The following FGGY variants were observed in gnomAD, a reference collection of about 807,000 sequenced individuals.
The protein encoded by FGGY is FGGY carbohydrate kinase domain-containing protein.
Under a neutral mutation model 71.3 loss-of-function variants are expected in FGGY, and 72 were observed. The ratio of observed to expected loss-of-function variants is 1.01; its 90% confidence interval spans 0.84 to 1.23. FGGY has a LOEUF of 1.23. Among genes scored for constraint, FGGY ranks in the 50% most tolerant of loss-of-function variants. FGGY has a pLI of 0.00. For missense variants in FGGY, 668 were observed against 682.3 expected (o/e 0.98, Z 0.23); for synonymous variants, 251 against 250.3 (o/e 1.00, Z -0.02).
rs1220764955 is a variant in FGGY at position 59,433,518 on chromosome 1, G to T, written c.555-23443G>T. ...CCAGGCCTTCACGGGGAATACCAGA[G>T]AGGGTCCCTCTGGAGCAGCTCTTAC... is the stretch of plus-strand genomic sequence containing the variant. On this transcript the variant is annotated intron_variant, in intron 5 of 15. Coordinates refer to ENST00000303721, the MANE Select transcript of FGGY (RefSeq NM_018291.5). 2.0e-5 allele frequency among the ~76,000 whole-genome samples: 3 copies of T among 152,170 alleles called. No homozygotes were observed. In the East Asian group the frequency reaches 5.8e-4, roughly 29 times the overall value.
chr1:59,751,371 C>T (rs2098243985), intron 14 of FGGY, among the ~76,000 whole-genome samples: 1 of 152,100 alleles, frequency 6.6e-6, no homozygotes, highest in South Asian at 2.1e-4. Flanking sequence ...GTTTTTTAAC[C>T]ATATACCCCC....
At chr1:59,352,480 G>T (rs2053495071) in intron 4 of FGGY, among the ~76,000 whole-genome samples, 1 of 152,180 alleles carries the variant, frequency 6.6e-6, no homozygotes, top group African/African-American at 2.4e-5. Flanking sequence ...TTTGTTGATG[G>T]ATTCAGGAAA....
At chr1:59,595,505 AT>A (rs2096511210) in intron 8 of FGGY, among the ~76,000 whole-genome samples, 1 of 152,274 alleles carries the variant, frequency 6.6e-6, no homozygotes, top group Admixed American at 6.5e-5. Context: ...CCTAGCCAAT[AT>A]GGCGAAACCC....
At chr1:59,386,146 T>C (rs2060043890) in intron 5 of FGGY, among the ~76,000 whole-genome samples, 1 of 152,212 alleles carries the variant, frequency 6.6e-6, no homozygotes, top group African/African-American at 2.4e-5. Context: ...GGACTGATAT[T>C]GATATATTAT....
intron 8 of FGGY, among the ~76,000 whole-genome samples, chr1:59,587,580 G>T (rs186004390): frequency 6.6e-6 from 1 of 152,104 alleles, no homozygotes; most frequent in Admixed American, 6.6e-5. Flanking sequence ...ACACGGCCGG[G>T]TACTCCTCTG....
chr1:59,440,755 G>A (rs1182255883), intron 5 of FGGY, among the ~76,000 whole-genome samples: 2 of 150,200 alleles, frequency 1.3e-5, no homozygotes, highest in Non-Finnish European at 3.0e-5. Context: ...ACAGTGGAGG[G>A]GCGAATAACA....
At chr1:59,315,265 T>C (rs916605560) in intron 1 of FGGY, among the ~76,000 whole-genome samples, 2 of 137,186 alleles carry the variant, frequency 1.5e-5, no homozygotes, top group Admixed American at 7.3e-5. Context: ...CCAAGGTATA[T>C]GTCTGCTTTT....
intron 14 of FGGY, among the ~76,000 whole-genome samples, chr1:59,698,425 C>T (rs2097681416): frequency 1.3e-5 from 2 of 151,706 alleles, no homozygotes; most frequent in South Asian, 2.1e-4. Flanking sequence ...ACAGATGCTT[C>T]TTCACACTCC....
At chr1:59,536,060 G>T (rs1213792573) in intron 7 of FGGY, among the ~76,000 whole-genome samples, 1 of 151,154 alleles carries the variant, frequency 6.6e-6, no homozygotes, top group Non-Finnish European at 1.5e-5. Flanking sequence ...TTTTTGAAAG[G>T]ATCAACAAAA....
chr1:59,313,017 A>AT (rs1021512649), intron 1 of FGGY, among the ~76,000 whole-genome samples: 15 of 152,230 alleles, frequency 9.9e-5, no homozygotes, highest in African/African-American at 3.6e-4. Flanking sequence ...AGTAAAGAGC[A>AT]TAAGGATCCC....
chr1:59,379,730 T>C (rs1379760919), intron 5 of FGGY, among the ~76,000 whole-genome samples: 2 of 152,174 alleles, frequency 1.3e-5, no homozygotes, highest in Non-Finnish European at 2.9e-5. Context: ...ATAACACTTA[T>C]CTTAAAACAC....
intron 8 of FGGY, among the ~76,000 whole-genome samples, chr1:59,595,452 AGACCAAGGTG>A (rs1280473340): frequency 6.6e-6 from 1 of 152,144 alleles, no homozygotes; most frequent in Middle Eastern, 3.2e-3. Context: ...GCACTTTAGG[AGACCAAGGTG>A]GGCAGATCAC....
intron 2 of FGGY, among the ~76,000 whole-genome samples, chr1:59,330,091 G>A (rs1045393541): frequency 5.3e-5 from 8 of 152,098 alleles, no homozygotes; most frequent in Non-Finnish European, 7.4e-5. Context: ...CATGTGGTTC[G>A]TGAATCATTC....
intron 14 of FGGY, chr1:59,697,635 G>A: frequency 1.5e-6 from 2 of 1,299,664 alleles, no homozygotes; most frequent in Non-Finnish European, 1.0e-6. Flanking sequence ...ACATTTTTGT[G>A]ACTTCTTTCC....
At position 59,480,806 on chromosome 1, in the gene FGGY, A is replaced by T. The variant is rs138140362; in HGVS notation, c.670+23730A>T. Among the ~76,000 whole-genome samples the T allele has an allele frequency of 3.2e-3, 480 of 152,210 alleles. 2 individuals carry two copies. The highest frequency in any genetic ancestry group is 0.011 in the African/African-American group (447 of 41,534). On this transcript the variant is annotated intron_variant, in intron 6 of 15. Coordinates refer to ENST00000303721, the MANE Select transcript of FGGY (RefSeq NM_018291.5). ...GGGAAAAGGGAGGGAGGAAACAGAG[A>T]AGTAGGCAGGGATCAAAAAATCATA...
intron 5 of FGGY, among the ~76,000 whole-genome samples, chr1:59,394,370 C>G (rs1326783092): frequency 2.0e-5 from 3 of 152,166 alleles, no homozygotes; most frequent in Admixed American, 1.3e-4. Context: ...CGAGAGCATC[C>G]TTCATGGAGG....
intron 1 of FGGY, among the ~76,000 whole-genome samples, chr1:59,307,759 A>G (rs547544280): frequency 2.0e-5 from 3 of 150,726 alleles, no homozygotes; most frequent in Non-Finnish European, 4.4e-5. Context: ...TGAACCCTTA[A>G]GGGAAGAATA....
chr1:59,351,320 C>T (rs1366568927), intron 4 of FGGY, among the ~76,000 whole-genome samples: 7 of 152,222 alleles, frequency 4.6e-5, no homozygotes, highest in African/African-American at 1.4e-4. Flanking sequence ...CTACAGTGTT[C>T]TTCCCTCTAC....
chr1:59,431,553 G>A (rs182990607), intron 5 of FGGY, among the ~76,000 whole-genome samples: 273 of 152,248 alleles, frequency 1.8e-3, no homozygotes, highest in African/African-American at 6.2e-3. Flanking sequence ...TAGTCCGGAC[G>A]TAGATGCTTT....
Sources: gnomAD v4.1 joint callset for allele counts (sites outside exome capture counted in the v4.1 genomes callset) on GRCh38, gnomAD v4.1.1 for gene constraint, MANE v1.5 for transcripts, NCBI Gene and HGNC (gene_info 2026-07-23, HGNC 2026-07-21) for gene names.